PREPL: variants seen among roughly 807,000 people sequenced by gnomAD.
PREPL encodes prolyl endopeptidase like.
A neutral mutation model predicts 70.6 loss-of-function variants in PREPL; 77 were observed. That is an observed-to-expected ratio of 1.09 (90% CI 0.91 to 1.32). The LOEUF (loss-of-function observed/expected upper bound fraction) is 1.32, where lower values mean the gene tolerates loss of function less well. PREPL is among the 40% of genes most tolerant of loss of function. PREPL has a pLI of 0.00. For synonymous variants in PREPL, 315 were observed against 264.8 expected, an observed-to-expected ratio of 1.19 and a Z score of -1.84; for missense variants, 1,002 against 778.2, an observed-to-expected ratio of 1.29 and a Z score of -3.42.
At chr2:44,336,074 AG>A (rs1310265554) in intron 7 of PREPL, among the ~76,000 whole-genome samples, 2 of 152,166 alleles carry the variant, frequency 1.3e-5, no homozygotes. Flanking sequence ...GTGAGGCTGT[AG>A]AAAAAAGGGA....
At chr2:44,355,275 C>T (rs534030248) in intron 1 of PREPL, among the ~76,000 whole-genome samples, 32 of 152,240 alleles carry the variant, frequency 2.1e-4, no homozygotes, top group African/African-American at 5.3e-4. Flanking sequence ...GGGCCAGCTG[C>T]GGTGGCTCAT....
At chr2:44,328,679 C>G (rs942143546) in intron 9 of PREPL, among the ~76,000 whole-genome samples, 5 of 152,058 alleles carry the variant, frequency 3.3e-5, no homozygotes, top group African/African-American at 1.2e-4. Flanking sequence ...TTCAGGAGAA[C>G]TGAAAGGAAA....
chr2:44,353,427 A>AT (rs1676664634), intron 1 of PREPL, among the ~76,000 whole-genome samples: 1 of 151,968 alleles, frequency 6.6e-6, no homozygotes, highest in African/African-American at 2.4e-5. Context: ...TCTACTAAAA[A>AT]TAAAAAAAAA....
rs1363159797 is a variant in PREPL, at chr2:44,339,277, A to C, written c.572T>G (p.Ile191Arg). 1.9e-6 allele frequency: 3 copies of C among 1,614,096 alleles called. No homozygotes were observed. The highest frequency in any genetic ancestry group is 2.5e-6 in the Non-Finnish European group (3 of 1,180,008). The stretch of plus-strand genomic sequence containing the variant: ...TGGGTCCCAAGGGCTCAGGCCATCT[A>C]TCAACCACACTTCAGAAGTAGTCTT... ...MNKTTSEVWL[I>R]DGLSPWDPPV... Residue 191 changes from isoleucine to arginine, a missense_variant, in exon 6 of 14, where the codon ATA becomes AGA. Physicochemically the swap from Ile to Arg is moderately conservative, Grantham distance 97. Transcript: ENST00000409411.
intron 12 of PREPL, 102 bp from the exon 13 acceptor site, chr2:44,322,002 A>C: frequency 1.6e-6 from 2 of 1,240,102 alleles, no homozygotes; most frequent in Admixed American, 5.2e-5. Flanking sequence ...CAGTTCAAAT[A>C]ATAGTAAAGG....
chr2:44,332,517 C>G lies in PREPL; in HGVS notation c.1028G>C (p.Gly343Ala). Residue 343 changes from glycine (G) to alanine (A), a missense_variant, in exon 8 of 14, where the codon GGG becomes GCG. By Grantham distance (60) the Gly-to-Ala change is moderately conservative. Transcript: ENST00000409411. ...FAEGKLFEET[G>A]HEDPITKTSR... ...AGTCTTTGTGATTGGGTCTTCATGC[C>G]CAGTTTCCTCAAACAGTTTGCCTTC... 3.1e-6 allele frequency: 5 copies of G among 1,614,018 alleles called. No individual in the cohort carries two copies. Among genetic ancestry groups the G allele is most frequent in the Non-Finnish European group, 4.2e-6 (5 of 1,179,984 alleles).
At chr2:44,360,612 G>C (rs1376480704) in intron 1 of PREPL, 8 of 152,226 alleles carry the variant, frequency 5.3e-5, no homozygotes, top group Non-Finnish European at 1.2e-4. Flanking sequence ...TTAAGAGTCA[G>C]AGAGACCTGG....
intron 1 of PREPL, among the ~76,000 whole-genome samples, chr2:44,346,921 C>A (rs916353320): frequency 1.8e-4 from 27 of 152,216 alleles, no homozygotes; most frequent in African/African-American, 6.5e-4. Context: ...ACTTCATTAA[C>A]TATAATTTTT....
intron 5 of PREPL, among the ~76,000 whole-genome samples, chr2:44,341,042 G>C (rs950311276): frequency 3.3e-5 from 5 of 151,584 alleles, no homozygotes; most frequent in African/African-American, 1.2e-4. Context: ...TTTTTGACTT[G>C]AGTTTAATAT....
chr2:44,345,311 A>G (rs972124540), intron 2 of PREPL, among the ~76,000 whole-genome samples: 3 of 151,602 alleles, frequency 2.0e-5, no homozygotes, highest in African/African-American at 4.8e-5. Context: ...ATTTTCACCT[A>G]TTGCGGTTCA....
chr2:44,359,456 T>C, intron 1 of PREPL: 1 of 1,378,104 alleles, frequency 7.3e-7, no homozygotes, highest in Non-Finnish European at 1.0e-6. Context: ...TTAAAATTAA[T>C]CTTAATGACC....
At chr2:44,345,414 C>T (rs1297636435) in intron 2 of PREPL, among the ~76,000 whole-genome samples, 2 of 151,824 alleles carry the variant, frequency 1.3e-5, no homozygotes, top group Non-Finnish European at 2.9e-5. Context: ...TGCAGTGGTG[C>T]AATCTTGGCT....
In PREPL at chr2:44,343,823, C is replaced by T; in HGVS notation, c.271G>A (p.Glu91Lys). The T allele has an allele frequency of 1.2e-6, 2 of 1,613,940 alleles. No individual in the cohort carries two copies. The highest frequency in any genetic ancestry group is 1.7e-6 in the Non-Finnish European group (2 of 1,179,814). ...TTTATAATTACACAGGTAGATGCTT[C>T]AGAATCTTCAGTTCTTATCTTGGCA... Reference protein sequence around the residue: ...VAAKIRTEDSEASTCVIIKLS... With the variant: ...VAAKIRTEDSKASTCVIIKLS... Residue 91 changes from glutamate to lysine, a missense_variant, in exon 4 of 14, where the codon GAA becomes AAA. Transcript: ENST00000409411.
chr2:44,360,006 G>C (rs894398875), intron 1 of PREPL: 1 of 334,652 alleles, frequency 3.0e-6, no homozygotes, highest in Non-Finnish European at 5.5e-6. Flanking sequence ...CTCAAACTAT[G>C]CAGCACTGAC....
intron 7 of PREPL, among the ~76,000 whole-genome samples, chr2:44,333,601 G>T (rs1674339607): frequency 6.7e-6 from 1 of 148,406 alleles, no homozygotes; most frequent in Admixed American, 6.8e-5. Flanking sequence ...CAGAGTTTAC[G>T]TTCTCTGAGC....
intron 1 of PREPL, among the ~76,000 whole-genome samples, chr2:44,357,262 C>T (rs989385568): frequency 3.3e-5 from 5 of 152,204 alleles, no homozygotes; most frequent in African/African-American, 1.2e-4. Context: ...TTTAAGCAGA[C>T]ATTTTAATTT....
At position 44,319,163 on chromosome 2, in the gene PREPL, T is replaced by C. The variant is rs970795389; in HGVS notation, c.*2193A>G. On this transcript the variant is annotated 3_prime_UTR_variant, in exon 14 of 14. Coordinates refer to ENST00000409411, the MANE Select transcript of PREPL (RefSeq NM_001171613.2). The stretch of plus-strand genomic sequence containing the variant: ...ATCTTTTTAAACACCATTAGATAAT[T>C]ATTTAAAGACCACATATTGGGAACC... 1 of 152,644 alleles carries C rather than the reference T, an allele frequency of 6.6e-6. No homozygotes were observed. The highest frequency in any genetic ancestry group is 1.5e-5 in the Non-Finnish European group (1 of 68,030). 9.5% of individuals were successfully genotyped at this position (152,644 alleles called of 1,614,324 possible).
chr2:44,331,368 C>A (rs1363984268), intron 8 of PREPL, among the ~76,000 whole-genome samples: 1 of 152,092 alleles, frequency 6.6e-6, no homozygotes, highest in Non-Finnish European at 1.5e-5. Context: ...GCACCTGCCA[C>A]CACACCCGGC....
At chr2:44,331,445 A>T (rs1674078187) in intron 8 of PREPL, among the ~76,000 whole-genome samples, 2 of 152,072 alleles carry the variant, frequency 1.3e-5, no homozygotes, top group African/African-American at 4.8e-5. Flanking sequence ...CGACCTCGTG[A>T]TCTGCCCGCC....
Sources: allele counts gnomAD v4.1 joint callset (sites outside exome capture counted in the v4.1 genomes callset), GRCh38; gene constraint gnomAD v4.1.1; transcripts MANE v1.5; gene names NCBI Gene and HGNC (gene_info 2026-07-23, HGNC 2026-07-21).